The following LRRC63 variants were observed in gnomAD, a reference collection of about 807,000 sequenced individuals.
LRRC63 encodes the protein leucine rich repeat containing 63.
Under a neutral mutation model 49.5 loss-of-function variants are expected in LRRC63, and 40 were observed. The ratio of observed to expected loss-of-function variants is 0.81; its 90% confidence interval spans 0.63 to 1.05. The LOEUF is 1.05. Among genes scored for constraint, LRRC63 ranks in the 50% least tolerant of loss-of-function variants. The probability of loss-of-function intolerance (pLI) is 0.00; values close to 1 mark genes in which losing one functional copy is unlikely to be tolerated. For synonymous variants in LRRC63, 191 were observed against 221.1 expected, an observed-to-expected ratio of 0.86 and a Z score of 1.21; for missense variants, 636 against 663.1, an observed-to-expected ratio of 0.96 and a Z score of 0.45.
chr13:46,236,982 A>G (rs1033651184), intron 5 of LRRC63, among the ~76,000 whole-genome samples: 2 of 152,196 alleles, frequency 1.3e-5, no homozygotes, highest in Admixed American at 6.5e-5. Flanking sequence ...AATCCAAACT[A>G]CATTGTTGTA....
intron 5 of LRRC63, among the ~76,000 whole-genome samples, chr13:46,240,126 CTTTT>C (rs35181820): frequency 4.1e-5 from 5 of 120,864 alleles, no homozygotes; most frequent in Non-Finnish European, 5.1e-5. Context: ...CTCTCTTTTT[CTTTT>C]TTTTTTTTTT....
At chr13:46,271,984 T>A (rs2047766271) in intron 9 of LRRC63, among the ~76,000 whole-genome samples, 1 of 152,112 alleles carries the variant, frequency 6.6e-6, no homozygotes, top group Admixed American at 6.5e-5. Context: ...TAAAATGAGA[T>A]AATTATAACA....
At chr13:46,255,513 G>A (rs150047705) in intron 7 of LRRC63, among the ~76,000 whole-genome samples, 2,313 of 151,520 alleles carry the variant, frequency 0.015, 75 homozygotes, top group African/African-American at 0.052. Context: ...AAAAAAATAC[G>A]AAAAATTAGC....
intron 5 of LRRC63, among the ~76,000 whole-genome samples, chr13:46,243,686 G>A (rs181506274): frequency 2.0e-5 from 3 of 152,194 alleles, no homozygotes; most frequent in South Asian, 2.1e-4. Flanking sequence ...CCAAGAGGAC[G>A]GGCTGGTCTC....
chr13:46,224,159 C>T (rs897691720), intron 2 of LRRC63, among the ~76,000 whole-genome samples: 1 of 152,166 alleles, frequency 6.6e-6, no homozygotes, highest in Non-Finnish European at 1.5e-5. Flanking sequence ...TATAGTCCTT[C>T]CTTTGTCTCT....
At chr13:46,212,904 G>C in intron 1 of LRRC63, 98 bp from the exon 2 acceptor site, 1 of 626,334 alleles carries the variant, frequency 1.6e-6, no homozygotes, top group Admixed American at 3.1e-5. Context: ...GTAGAGTATT[G>C]GTACAGAATG....
chr13:46,259,125 G>C (rs1416269943), intron 7 of LRRC63, among the ~76,000 whole-genome samples: 1 of 151,902 alleles, frequency 6.6e-6, no homozygotes, highest in Non-Finnish European at 1.5e-5. Context: ...AAAGAACAGG[G>C]GCCTCCTATT....
At chr13:46,227,450 A>C in intron 2 of LRRC63, 62 bp from the exon 3 acceptor site, 3 of 1,126,018 alleles carry the variant, frequency 2.7e-6, no homozygotes, top group Non-Finnish European at 3.6e-6. Context: ...GAATGCTAAG[A>C]TATTTTGTCT....
chr13:46,222,342 A>G (rs577980177), intron 2 of LRRC63, among the ~76,000 whole-genome samples: 15 of 152,212 alleles, frequency 9.9e-5, no homozygotes, highest in African/African-American at 3.6e-4. Context: ...TTCCTAGACC[A>G]GTGTCCAGGA....
chr13:46,231,810 A>G (rs1182775802), intron 4 of LRRC63, among the ~76,000 whole-genome samples: 1 of 144,868 alleles, frequency 6.9e-6, no homozygotes, highest in African/African-American at 2.6e-5. Flanking sequence ...CTGGCCTGCC[A>G]CACACTTTTT....
At chr13:46,232,882 G>T (rs1361585957) in intron 4 of LRRC63, among the ~76,000 whole-genome samples, 1 of 152,136 alleles carries the variant, frequency 6.6e-6, no homozygotes, top group Non-Finnish European at 1.5e-5. Context: ...GAGGTCATTG[G>T]AGAATTTCAC....
intron 9 of LRRC63, among the ~76,000 whole-genome samples, chr13:46,273,829 T>C (rs2047793692): frequency 1.3e-5 from 2 of 151,150 alleles, no homozygotes; most frequent in Admixed American, 1.3e-4. Context: ...GGAGAATCAC[T>C]TGAACCCAGG....
At chr13:46,220,455 C>G (rs1555321865) in intron 2 of LRRC63, among the ~76,000 whole-genome samples, 1 of 152,128 alleles carries the variant, frequency 6.6e-6, no homozygotes, top group Non-Finnish European at 1.5e-5. Context: ...ACGCCCCTCC[C>G]CCACCAAGCT....
At chr13:46,232,449 G>T (rs1022516418) in intron 4 of LRRC63, among the ~76,000 whole-genome samples, 1 of 152,204 alleles carries the variant, frequency 6.6e-6, no homozygotes, top group Non-Finnish European at 1.5e-5. Context: ...GGATAATAGA[G>T]TTCAAGCTCT....
exon 3 of LRRC63, chr13:46,227,823 A>G: frequency 6.5e-7 from 1 of 1,550,156 alleles, no homozygotes; most frequent in Non-Finnish European, 8.7e-7. Flanking sequence ...AAGTTCAAGA[A>G]AGTTTAAAAC....
At chr13:46,258,807 CAAA>C (rs11451920) in intron 7 of LRRC63, among the ~76,000 whole-genome samples, 8 of 89,984 alleles carry the variant, frequency 8.9e-5, no homozygotes, top group Non-Finnish European at 1.2e-4. Context: ...GACTCTGTCT[CAAA>C]AAAAAAAAAA....
chr13:46,271,191 G>A (rs1166892060), intron 9 of LRRC63, among the ~76,000 whole-genome samples: 1 of 152,146 alleles, frequency 6.6e-6, no homozygotes, highest in African/African-American at 2.4e-5. Context: ...GGAAGGTCCT[G>A]GAACCGATCC....
At chr13:46,255,468 A>G (rs1389237747) in intron 7 of LRRC63, among the ~76,000 whole-genome samples, 1 of 151,998 alleles carries the variant, frequency 6.6e-6, no homozygotes, top group African/African-American at 2.4e-5. Flanking sequence ...AAAAATACAT[A>G]GAGCCTGGGC....
At chr13:46,220,273 G>A (rs1439142640) in intron 2 of LRRC63, among the ~76,000 whole-genome samples, 1 of 152,158 alleles carries the variant, frequency 6.6e-6, no homozygotes, top group Non-Finnish European at 1.5e-5. Context: ...CCCTGACTGG[G>A]GCTGCTGCCT....
Sources: gnomAD v4.1 joint callset for allele counts (sites outside exome capture counted in the v4.1 genomes callset) on GRCh38, gnomAD v4.1.1 for gene constraint, MANE v1.5 for transcripts, NCBI Gene and HGNC (gene_info 2026-07-23, HGNC 2026-07-21) for gene names.